The following RIC8B variants were observed in gnomAD, a reference collection of about 807,000 sequenced individuals.
RIC8B encodes RIC8 guanine nucleotide exchange factor B, also known as chaperone Ric-8B.
A neutral mutation model predicts 57.5 loss-of-function variants in RIC8B; 16 were observed. The observed-to-expected ratio is 0.28, with a 90% CI of 0.19 to 0.42. The LOEUF (loss-of-function observed/expected upper bound fraction) is 0.42. RIC8B is among the 10% of genes least tolerant of loss of function. The pLI, the probability that RIC8B is intolerant of heterozygous loss-of-function variation, is 1.00. For missense variants in RIC8B, 481 were observed against 677.0 expected, an observed-to-expected ratio of 0.71 and a Z score of 3.21; for synonymous variants, 216 against 250.8, an observed-to-expected ratio of 0.86 and a Z score of 1.31.
At chr12:106,885,878 T>TC (rs746590510) in intron 9 of RIC8B, 26 bp from the exon 10 acceptor site, 23 of 1,480,968 alleles carry the variant, frequency 1.6e-5, no homozygotes, top group African/African-American at 5.5e-5. Context: ...TACTTTTTTT[T>TC]CTCTCTCTTT....
At chr12:106,844,639 T>A (rs1949105684) in intron 6 of RIC8B, among the ~76,000 whole-genome samples, 2 of 152,194 alleles carry the variant, frequency 1.3e-5, no homozygotes, top group Admixed American at 1.3e-4. Flanking sequence ...CTTAAAGATA[T>A]CCTGGCTACT....
At chr12:106,785,363 C>T (rs1220995544) in intron 2 of RIC8B, among the ~76,000 whole-genome samples, 3 of 152,162 alleles carry the variant, frequency 2.0e-5, no homozygotes, top group Non-Finnish European at 4.4e-5. Context: ...GGGGCACCTC[C>T]TTCAGCAAGC....
intron 7 of RIC8B, among the ~76,000 whole-genome samples, chr12:106,856,190 T>A (rs989933762): frequency 1.3e-5 from 2 of 152,218 alleles, no homozygotes; most frequent in African/African-American, 4.8e-5. Context: ...ATTAATAAGC[T>A]ATTAAAATAT....
Position 106,870,830 on chromosome 12 carries a change from C to T in RIC8B, c.1459C>T (p.Leu487Phe). The change falls in exon 9 of 10, where the codon CTT becomes TTT. Residue 487 changes from leucine to phenylalanine, a missense_variant. Around this residue, in one of 3 missense-constraint regions of RIC8B, gnomAD observed 43 missense variants for 99.8 expected, o/e 0.43. Coordinates refer to ENST00000392837, the MANE Select transcript of RIC8B (RefSeq NM_001330145.2). ...TTTTTTTTCTTTTTGTAGCATTAAT[C>T]TTATCACTGGTCATTTAGAGGAACC... ...EYKNAKPNIN[L>F]ITGHLEEPMP... 3 of 1,521,574 alleles carry T rather than the reference C, an allele frequency of 2.0e-6. No homozygotes were observed. Among genetic ancestry groups the T allele is most frequent in the Non-Finnish European group, 2.6e-6 (3 of 1,132,156 alleles). The allele number at this position is 1,521,574 out of a possible 1,614,324, so 94.3% of individuals were successfully genotyped here.
intron 2 of RIC8B, among the ~76,000 whole-genome samples, chr12:106,791,801 G>C (rs1026295293): frequency 1.3e-5 from 2 of 151,968 alleles, no homozygotes; most frequent in Non-Finnish European, 2.9e-5. Context: ...AAAATGAATG[G>C]GTAAATTTCT....
At chr12:106,827,843 A>AT (rs1030523113) in intron 4 of RIC8B, among the ~76,000 whole-genome samples, 1 of 152,072 alleles carries the variant, frequency 6.6e-6, no homozygotes, top group Non-Finnish European at 1.5e-5. Flanking sequence ...GAGTAAATTG[A>AT]TTTTTTTTAA....
chr12:106,873,684 G>GGAAGAAATGACTGTAATCT (rs1950543585), intron 9 of RIC8B, among the ~76,000 whole-genome samples: 1 of 152,158 alleles, frequency 6.6e-6, no homozygotes, highest in Admixed American at 6.6e-5. Context: ...ACATTCTAGT[G>GGAAGAAATGACTGTAATCT]GAAGAAATGA....
intron 3 of RIC8B, among the ~76,000 whole-genome samples, chr12:106,822,105 GAAAAA>G (rs1162744633): frequency 1.7e-4 from 20 of 117,830 alleles, no homozygotes; most frequent in Non-Finnish European, 5.4e-5. Context: ...AAAAAAAGAA[GAAAAA>G]AAAAGAAAAG....
intron 2 of RIC8B, among the ~76,000 whole-genome samples, chr12:106,803,215 C>CAAAAAAAAAAAAAAAAAAA (rs55853235): frequency 1.3e-4 from 11 of 84,014 alleles, no homozygotes; most frequent in African/African-American, 2.5e-4. Context: ...TACCCTGTCT[C>CAAAAAAAAAAAAAAAAAAA]AAAAAAAAAA....
At chr12:106,779,553 T>C (rs1412931714) in intron 1 of RIC8B, among the ~76,000 whole-genome samples, 1 of 151,752 alleles carries the variant, frequency 6.6e-6, no homozygotes, top group Non-Finnish European at 1.5e-5. Flanking sequence ...CTTTAATCTC[T>C]AGATTACTTA....
chr12:106,833,542 G>A (rs1237270), intron 4 of RIC8B, among the ~76,000 whole-genome samples: 3 of 152,132 alleles, frequency 2.0e-5, no homozygotes, highest in Admixed American at 6.6e-5. Flanking sequence ...CAAAAGTTGC[G>A]GTGAGCTTAG....
chr12:106,827,982 G>A (rs907675170), intron 4 of RIC8B, among the ~76,000 whole-genome samples: 16 of 152,142 alleles, frequency 1.1e-4, no homozygotes, highest in African/African-American at 3.6e-4. Flanking sequence ...ATATCTTGAC[G>A]CAGCACCCAG....
intron 3 of RIC8B, among the ~76,000 whole-genome samples, chr12:106,822,077 CAAAAAAAAAAAAA>C (rs67378158): frequency 7.9e-5 from 3 of 38,036 alleles, no homozygotes; most frequent in Non-Finnish European, 1.4e-4. Context: ...GACTCCATCT[CAAAAAAAAAAAAA>C]AAAAAAAAAA....
intron 4 of RIC8B, among the ~76,000 whole-genome samples, chr12:106,827,474 A>G (rs1593227896): frequency 6.6e-6 from 1 of 152,238 alleles, no homozygotes; most frequent in Admixed American, 6.5e-5. Context: ...AAAGTGAAAC[A>G]TATGCTTAAT....
At chr12:106,800,333 C>T (rs1224606174) in intron 2 of RIC8B, among the ~76,000 whole-genome samples, 1 of 151,680 alleles carries the variant, frequency 6.6e-6, no homozygotes, top group East Asian at 1.9e-4. Flanking sequence ...GAGGGAGACA[C>T]CTTATGTGGC....
intron 2 of RIC8B, among the ~76,000 whole-genome samples, chr12:106,785,704 T>C (rs1376811080): frequency 6.6e-6 from 1 of 152,092 alleles, no homozygotes; most frequent in Non-Finnish European, 1.5e-5. Context: ...GAGAGCTTTT[T>C]CAAAATAGCC....
At chr12:106,871,168 G>A (rs1269018354) in intron 9 of RIC8B, 2 of 358,756 alleles carry the variant, frequency 5.6e-6, no homozygotes, top group African/African-American at 4.1e-5. Context: ...AGCTAAGATA[G>A]TAACTACCAG....
chr12:106,815,654 A>G (rs1048168304), intron 3 of RIC8B, among the ~76,000 whole-genome samples: 1 of 152,236 alleles, frequency 6.6e-6, no homozygotes, highest in African/African-American at 2.4e-5. Context: ...TGATAAAGCT[A>G]TAGGCATTTT....
intron 8 of RIC8B, among the ~76,000 whole-genome samples, chr12:106,862,391 CT>C (rs1463825814): frequency 2.6e-4 from 39 of 152,088 alleles, no homozygotes; most frequent in African/African-American, 8.9e-4. Context: ...TTTAATGTTA[CT>C]TTAAAATATT....
Sources: gnomAD v4.1 joint callset for allele counts (sites outside exome capture counted in the v4.1 genomes callset) on GRCh38, gnomAD v4.1.1 for gene constraint, gnomAD v4.1.1 regional missense constraint, MANE v1.5 for transcripts, NCBI Gene and HGNC (gene_info 2026-07-23, HGNC 2026-07-21) for gene names.